Variants in CFAP144 observed in about 807,000 individuals in gnomAD.
CFAP144 encodes cilia- and flagella-associated protein 144.
the CFAP144 span, among the ~76,000 whole-genome samples, chr1:43,145,468 C>T: frequency 4.2e-4 from 64 of 152,260 alleles, no homozygotes; most frequent in African/African-American, 1.3e-3. Context: ...ATCCCAAGGA[C>T]GTTCTGCCCT....
the CFAP144 span, chr1:43,148,179 C>A: frequency 7.7e-7 from 1 of 1,299,636 alleles, no homozygotes; most frequent in Non-Finnish European, 1.1e-6. Context: ...GCGGTCCCAG[C>A]AAAAACTCTT....
the CFAP144 span, chr1:43,147,986 A>C: frequency 3.7e-6 from 6 of 1,614,062 alleles, no homozygotes; most frequent in Non-Finnish European, 4.2e-6. Flanking sequence ...GTGATTCCAG[A>C]TGAGGTCCAT....
the CFAP144 span, among the ~76,000 whole-genome samples, chr1:43,154,693 A>T: frequency 9.9e-5 from 15 of 152,212 alleles, no homozygotes; most frequent in Non-Finnish European, 1.9e-4. Context: ...TTTAAAATTT[A>T]AAAACCAGAA....
the CFAP144 span, chr1:43,147,889 G>T: frequency 1.3e-6 from 2 of 1,594,286 alleles, no homozygotes; most frequent in Non-Finnish European, 1.7e-6. Flanking sequence ...TGGAGACAGC[G>T]GGGACGCGTT....
the CFAP144 span, chr1:43,152,813 T>C: frequency 3.1e-6 from 5 of 1,600,304 alleles, no homozygotes; most frequent in South Asian, 3.4e-5. Context: ...TCATAACTCA[T>C]ACCTCGTCTC....
At chr1:43,147,749 A>G in the CFAP144 span, 1 of 1,431,884 alleles carries the variant, frequency 7.0e-7, no homozygotes, top group Non-Finnish European at 9.1e-7. Flanking sequence ...GGGGCGCGAA[A>G]TAAGATCCCG....
the CFAP144 span, among the ~76,000 whole-genome samples, chr1:43,143,529 A>G: frequency 6.6e-6 from 1 of 152,214 alleles, no homozygotes; most frequent in East Asian, 1.9e-4. Flanking sequence ...CAAAGAAACC[A>G]GGAATGGTCA....
the CFAP144 span, among the ~76,000 whole-genome samples, chr1:43,154,209 TA>T: frequency 7.2e-6 from 1 of 139,124 alleles, no homozygotes; most frequent in African/African-American, 2.8e-5. Context: ...AAATTATATA[TA>T]AATTATTATA....
chr1:43,154,227 TTTATATAAAAA>T, the CFAP144 span, among the ~76,000 whole-genome samples: 1 of 144,350 alleles, frequency 6.9e-6, no homozygotes, highest in East Asian at 2.0e-4. Context: ...TATATAAATT[TTTATATAAAAA>T]TTATATAAAA....
At chr1:43,143,101 C>A in the CFAP144 span, among the ~76,000 whole-genome samples, 1 of 152,080 alleles carries the variant, frequency 6.6e-6, no homozygotes, top group African/African-American at 2.4e-5. Flanking sequence ...AATCCTCTCT[C>A]TCCTCTCACG....
the CFAP144 span, chr1:43,150,929 C>A: frequency 1.1e-6 from 1 of 883,126 alleles, no homozygotes; most frequent in Non-Finnish European, 1.8e-6. Flanking sequence ...GAGTCCTCTG[C>A]TTTGATCCTG....
chr1:43,145,131 C>T, the CFAP144 span: 44 of 747,988 alleles, frequency 5.9e-5, no homozygotes, highest in African/African-American at 6.7e-4. Context: ...TGACAGTTTG[C>T]TCCTTTCCTC....
chr1:43,147,888 C>T, the CFAP144 span: 1 of 1,592,134 alleles, frequency 6.3e-7, no homozygotes. Context: ...CTGGAGACAG[C>T]GGGGACGCGT....
At chr1:43,145,628 G>A in the CFAP144 span, among the ~76,000 whole-genome samples, 4 of 152,222 alleles carry the variant, frequency 2.6e-5, no homozygotes, top group South Asian at 2.1e-4. Context: ...ATCCTGACCA[G>A]ATGATAGCAT....
the CFAP144 span, chr1:43,156,284 TG>T: frequency 6.2e-7 from 1 of 1,613,972 alleles, no homozygotes; most frequent in Non-Finnish European, 8.5e-7. Context: ...GGCTAAAACG[TG>T]GGGCTTAGGA....
At chr1:43,148,311 G>GA in the CFAP144 span, among the ~76,000 whole-genome samples, 157 of 148,876 alleles carry the variant, frequency 1.1e-3, 1 homozygote, top group African/African-American at 1.7e-3. Context: ...TTTCGTTGTA[G>GA]AAAAAAAAAA....
At chr1:43,156,287 G>A in the CFAP144 span, 9 of 1,613,878 alleles carry the variant, frequency 5.6e-6, no homozygotes, top group Non-Finnish European at 7.6e-6. Context: ...TAAAACGTGG[G>A]GCTTAGGAGA....
the CFAP144 span, among the ~76,000 whole-genome samples, chr1:43,148,288 C>T: frequency 0.048 from 7,318 of 152,074 alleles, 574 homozygotes; most frequent in African/African-American, 0.16. Context: ...TCATGCGCAA[C>T]ACGATTAAAT....
chr1:43,145,004 G>A, the CFAP144 span: 6 of 520,286 alleles, frequency 1.2e-5, no homozygotes, highest in Non-Finnish European at 2.1e-5. Context: ...CTTCAGCCTT[G>A]GTAAGTGACA....
Sources: allele counts gnomAD v4.1 joint callset (sites outside exome capture counted in the v4.1 genomes callset), GRCh38; gene constraint gnomAD v4.1.1; transcripts MANE v1.5; gene names NCBI Gene and HGNC (gene_info 2026-07-23, HGNC 2026-07-21).